RGS7: variants seen among roughly 807,000 people sequenced by gnomAD.
RGS7 encodes the protein regulator of G-protein signaling 7.
Under a neutral mutation model 81.1 loss-of-function variants are expected in RGS7, and 27 were observed. The observed-to-expected ratio is 0.33, with a 90% CI of 0.25 to 0.46. The LOEUF is 0.46. Ranked by LOEUF, RGS7 falls within the 20% of genes least tolerant of loss-of-function variation. The probability of loss-of-function intolerance (pLI) is 1.00; values close to 1 mark genes in which losing one functional copy is unlikely to be tolerated. For synonymous variants in RGS7, 208 were observed against 207.7 expected, an observed-to-expected ratio of 1.00 and a Z score of -0.01; for missense variants, 396 against 607.4, an observed-to-expected ratio of 0.65 and a Z score of 3.66.
At chr1:241,021,230 G>T (rs1284033059) in intron 3 of RGS7, among the ~76,000 whole-genome samples, 1 of 152,084 alleles carries the variant, frequency 6.6e-6, no homozygotes, top group Non-Finnish European at 1.5e-5. Context: ...TCATTCTACT[G>T]TGAGAAGCAG....
At chr1:241,258,249 G>A (rs1351573920) in intron 2 of RGS7, among the ~76,000 whole-genome samples, 1 of 151,960 alleles carries the variant, frequency 6.6e-6, no homozygotes, top group Non-Finnish European at 1.5e-5. Context: ...CATTTCCCCT[G>A]GGGAAATGAG....
intron 3 of RGS7, among the ~76,000 whole-genome samples, chr1:241,032,256 G>A (rs1457472013): frequency 6.6e-6 from 1 of 152,148 alleles, no homozygotes; most frequent in East Asian, 1.9e-4. Flanking sequence ...GCATAAGTTT[G>A]TCAACTTAGT....
chr1:241,182,255 C>A (rs2071685164), intron 2 of RGS7, among the ~76,000 whole-genome samples: 1 of 152,086 alleles, frequency 6.6e-6, no homozygotes, highest in African/African-American at 2.4e-5. Context: ...CCTTTCTGGC[C>A]CAGCCCATCT....
At chr1:240,967,621 A>G (rs113700342) in intron 4 of RGS7, among the ~76,000 whole-genome samples, 7,442 of 145,630 alleles carry the variant, frequency 0.051, 468 homozygotes, top group African/African-American at 0.16. Context: ...CAGGCCGCTG[A>G]GGGCAAAGAG....
At chr1:241,299,935 C>CAAAAAAAAAAA (rs35939099) in intron 2 of RGS7, among the ~76,000 whole-genome samples, 2 of 58,090 alleles carry the variant, frequency 3.4e-5, no homozygotes, top group Non-Finnish European at 6.1e-5. Context: ...CTCGTTTCTC[C>CAAAAAAAAAAA]AAAAAAAAAA....
At chr1:241,344,339 G>T (rs2082755106) in intron 2 of RGS7, among the ~76,000 whole-genome samples, 1 of 152,126 alleles carries the variant, frequency 6.6e-6, no homozygotes, top group Admixed American at 6.5e-5. Context: ...ATAAGGTAAA[G>T]AAAATTTTTA....
At chr1:240,890,296 G>T (rs1553339177) in intron 6 of RGS7, among the ~76,000 whole-genome samples, 1 of 152,128 alleles carries the variant, frequency 6.6e-6, no homozygotes, top group Non-Finnish European at 1.5e-5. Context: ...GGGCCTACAG[G>T]CGTGCGCCAC....
Position 241,089,055 on chromosome 1 carries a change from CTCTCTCTCTATATATA to C in RGS7, c.175+9595_175+9610del, listed in dbSNP as rs1425020208. Among the ~76,000 whole-genome samples, 188 of 51,694 alleles carry C rather than the reference CTCTCTCTCTATATATA, an allele frequency of 3.6e-3. 1 individual carries two copies. The highest frequency in any genetic ancestry group is 5.8e-3 in the Non-Finnish European group (158 of 27,298). 33.9% of individuals were successfully genotyped at this position (51,694 alleles called of 152,430 possible). A position where few individuals can be genotyped will look rare whatever the true frequency, so the allele number is the denominator to read the frequency against. ...TCTCTCTCTCTCTCTCTCTCTCTCT[CTCTCTCTCTATATATA>C]TATATATATATATATATATATATAT... On this transcript the variant is annotated intron_variant, in intron 3 of 18. Transcript: ENST00000440928.
intron 2 of RGS7, among the ~76,000 whole-genome samples, chr1:241,317,153 A>G (rs1286702630): frequency 2.6e-5 from 4 of 152,198 alleles, no homozygotes; most frequent in Non-Finnish European, 2.9e-5. Flanking sequence ...GAGCCCAGAG[A>G]TGGGAAGAAA....
At chr1:241,002,104 C>T (rs1248483413) in intron 3 of RGS7, among the ~76,000 whole-genome samples, 1 of 152,170 alleles carries the variant, frequency 6.6e-6, no homozygotes, top group East Asian at 1.9e-4. Context: ...AATCTCTTTA[C>T]CTTTCTTTCA....
chr1:241,126,605 A>G (rs918043763), intron 2 of RGS7, among the ~76,000 whole-genome samples: 4 of 152,192 alleles, frequency 2.6e-5, no homozygotes, highest in African/African-American at 9.7e-5. Flanking sequence ...AGCATCTGAA[A>G]AACAGATGTG....
At chr1:240,781,185 A>G (rs1240993485) in intron 18 of RGS7, among the ~76,000 whole-genome samples, 1 of 152,252 alleles carries the variant, frequency 6.6e-6, no homozygotes, top group African/African-American at 2.4e-5. Context: ...GTCCCAGGAA[A>G]TAATTAAAAA....
chr1:240,905,146 T>C (rs72756847), intron 6 of RGS7, among the ~76,000 whole-genome samples: 3,767 of 152,280 alleles, frequency 0.025, 58 homozygotes, highest in Non-Finnish European at 0.034. Context: ...CAAAATCCAT[T>C]TAAGACTGTT....
chr1:241,269,824 G>T (rs112277804), intron 2 of RGS7, among the ~76,000 whole-genome samples: 36 of 152,278 alleles, frequency 2.4e-4, no homozygotes, highest in African/African-American at 8.4e-4. Context: ...ATTGTACACT[G>T]CTGTCTGAAC....
At chr1:240,840,249 A>T (rs1657669887) in intron 9 of RGS7, among the ~76,000 whole-genome samples, 1 of 151,630 alleles carries the variant, frequency 6.6e-6, no homozygotes, top group Non-Finnish European at 1.5e-5. Context: ...ACACCTTGCC[A>T]TGCTCTACGA....
At position 241,305,763 on chromosome 1, in the gene RGS7, G is replaced by A. The variant is rs1185175531; in HGVS notation, c.78+49936C>T. 2.5e-5 allele frequency: 6 copies of A among 238,688 alleles called. No homozygotes were observed. In the East Asian group the frequency reaches 5.8e-4, roughly 23 times the overall value. The allele number at this position is 238,688 out of a possible 1,614,324, so 14.8% of individuals were successfully genotyped here. The stretch of plus-strand genomic sequence containing the variant: ...TATGGGACAAAGCCACACACCTCTC[G>A]GGGCATGTCTTGCGCGATTTTGGTG... On this transcript the variant is annotated intron_variant, in intron 2 of 18. Coordinates refer to ENST00000440928, the MANE Select transcript of RGS7 (RefSeq NM_001364886.1).
chr1:241,066,109 T>C (rs972957210), intron 3 of RGS7, among the ~76,000 whole-genome samples: 1 of 152,210 alleles, frequency 6.6e-6, no homozygotes, highest in African/African-American at 2.4e-5. Flanking sequence ...GAAATTCTTA[T>C]TCATCTCATC....
intron 2 of RGS7, among the ~76,000 whole-genome samples, chr1:241,258,015 C>T (rs929528302): frequency 1.3e-5 from 2 of 152,116 alleles, no homozygotes; most frequent in South Asian, 4.1e-4. Flanking sequence ...ATTCCAACCT[C>T]CTAAAAACTT....
At chr1:240,985,437 T>G (rs891155800) in intron 3 of RGS7, among the ~76,000 whole-genome samples, 1 of 148,250 alleles carries the variant, frequency 6.7e-6, no homozygotes, top group African/African-American at 2.7e-5. Context: ...CTTTCTTTCC[T>G]TTTCTTTTTT....
Sources: allele counts gnomAD v4.1 joint callset (sites outside exome capture counted in the v4.1 genomes callset), GRCh38; gene constraint gnomAD v4.1.1; transcripts MANE v1.5; gene names NCBI Gene and HGNC (gene_info 2026-07-23, HGNC 2026-07-21).